Variants in AHI1 observed in about 807,000 individuals in gnomAD.
AHI1 encodes jouberin.
In AHI1, 123 loss-of-function variants were observed where a neutral mutation model predicts 149.3. That is an observed-to-expected ratio of 0.82 (90% CI 0.71 to 0.96). AHI1 has a LOEUF of 0.96. AHI1 is among the 40% of genes least tolerant of loss of function. AHI1 has a pLI of 0.00. For synonymous variants in AHI1, 475 were observed against 459.8 expected (o/e 1.03, Z -0.42); for missense variants, 1,439 against 1,422.7 (o/e 1.01, Z -0.18).
chr6:135,302,481 G>T, intron 26 of AHI1: 1 of 1,015,102 alleles, frequency 9.9e-7, no homozygotes, highest in South Asian at 4.0e-5. Flanking sequence ...GATATCCTCA[G>T]AAAGTTTGTC....
intron 24 of AHI1, among the ~76,000 whole-genome samples, chr6:135,329,080 A>G (rs141030947): frequency 7.1e-4 from 108 of 152,364 alleles, no homozygotes; most frequent in African/African-American, 2.5e-3. Flanking sequence ...GTGTGAAGAA[A>G]GAAGCCATCT....
chr6:135,294,967 A>G (rs1448405401), intron 27 of AHI1, among the ~76,000 whole-genome samples: 2 of 152,190 alleles, frequency 1.3e-5, no homozygotes, highest in Admixed American at 1.3e-4. Context: ...GCTCTTCAAA[A>G]GTCACTGCTA....
At chr6:135,429,831 T>G (rs1784397708) in intron 18 of AHI1, 51 bp downstream of exon 18, 4 of 1,073,980 alleles carry the variant, frequency 3.7e-6, no homozygotes, top group Non-Finnish European at 5.4e-6. Flanking sequence ...ATAATTTAAT[T>G]CATTACTTAC....
rs539435301 is a variant in AHI1 at position 135,368,038 on chromosome 6, G to A, written c.3110-9851C>T. Among the ~76,000 whole-genome samples, 16 of 152,254 alleles carry A rather than the reference G, an allele frequency of 1.1e-4. No homozygotes were observed. The South Asian group carries it at 2.3e-3, about 22-fold the overall frequency. ...TATTGTTCAGATTCTTCTGTCCCAC[G>A]GGATGCCCCTGATGTGGTGCTCTCC... is the stretch of plus-strand genomic sequence containing the variant. On this transcript the variant is annotated intron_variant, in intron 23 of 28. Transcript: ENST00000265602.
rs138490889 is a variant in AHI1 at position 135,448,151 on chromosome 6, T to C, written c.1626+139A>G. 21 of 505,520 alleles carry C rather than the reference T, an allele frequency of 4.2e-5. No homozygotes were observed. The East Asian group carries it at 7.0e-4, about 17-fold the overall frequency. The allele number at this position is 505,520 out of a possible 1,614,324, so 31.3% of individuals were successfully genotyped here. On this transcript the variant is annotated intron_variant, in intron 12 of 28. Coordinates refer to ENST00000265602, the MANE Select transcript of AHI1 (RefSeq NM_001134831.2). ...TAAGCATCTTTTAAATATCAGCTAT[T>C]ACAGGCTTAATATATAACCCCAGAA... is the stretch of plus-strand genomic sequence containing the variant.
In AHI1 at chr6:135,417,641, G is replaced by C. The variant is rs1041468117; in HGVS notation, c.2765-6097C>G. Among the ~76,000 whole-genome samples the C allele has an allele frequency of 2.6e-5, 4 of 151,768 alleles. No homozygotes were observed. In the East Asian group the frequency reaches 7.7e-4, roughly 29 times the overall value. ...TAAATACAAACAATTATGAACACTT[G>C]TTTTTTTCATCTAAAGGAAATTTTC... On this transcript the variant is annotated intron_variant, in intron 20 of 28. Transcript: ENST00000265602.
At chr6:135,469,802 T>C (rs956114696) in intron 5 of AHI1, among the ~76,000 whole-genome samples, 17 of 152,270 alleles carry the variant, frequency 1.1e-4, no homozygotes, top group Non-Finnish European at 1.8e-4. Context: ...TTATACCTTA[T>C]ACAAAAATTA....
At chr6:135,371,893 A>G (rs1371120165) in intron 23 of AHI1, among the ~76,000 whole-genome samples, 1 of 152,266 alleles carries the variant, frequency 6.6e-6, no homozygotes, top group Non-Finnish European at 1.5e-5. Flanking sequence ...AGGTGTGAGT[A>G]GAAAATTAAG....
intron 19 of AHI1, 89 bp downstream of exon 19, chr6:135,428,540 A>G (rs1784215822): frequency 2.9e-6 from 4 of 1,361,836 alleles, no homozygotes; most frequent in Non-Finnish European, 3.8e-6. Flanking sequence ...AATTTCCTTG[A>G]AAATTATTCC....
chr6:135,338,931 T>TC (rs201720674), intron 24 of AHI1, among the ~76,000 whole-genome samples: 3 of 150,966 alleles, frequency 2.0e-5, no homozygotes, highest in Non-Finnish European at 4.4e-5. Context: ...TCTTTCCTTT[T>TC]TTTTTTTTTT....
intron 24 of AHI1, among the ~76,000 whole-genome samples, chr6:135,338,677 T>TAA (rs1456415505): frequency 2.0e-5 from 3 of 152,196 alleles, no homozygotes; most frequent in African/African-American, 7.2e-5. Flanking sequence ...AACAGCCAAA[T>TAA]AACAGTAAAA....
intron 21 of AHI1, among the ~76,000 whole-genome samples, chr6:135,408,899 T>C (rs1205904851): frequency 1.3e-5 from 2 of 152,130 alleles, no homozygotes; most frequent in Non-Finnish European, 2.9e-5. Context: ...AGAAAAATTT[T>C]CTAGGAATTT....
At chr6:135,363,475 G>A (rs1314915715) in intron 23 of AHI1, among the ~76,000 whole-genome samples, 2 of 152,166 alleles carry the variant, frequency 1.3e-5, no homozygotes, top group Admixed American at 6.5e-5. Flanking sequence ...GCAACCATCC[G>A]ATTTCTCAAT....
chr6:135,363,044 A>T (rs969386511), intron 23 of AHI1, among the ~76,000 whole-genome samples: 4 of 146,468 alleles, frequency 2.7e-5, no homozygotes, highest in East Asian at 2.0e-4. Context: ...ATTTTATTTT[A>T]TTATTATTAT....
At chr6:135,486,677 A>G (rs1794525124) in intron 5 of AHI1, among the ~76,000 whole-genome samples, 1 of 152,156 alleles carries the variant, frequency 6.6e-6, no homozygotes, top group Non-Finnish European at 1.5e-5. Flanking sequence ...ACAACTGTCT[A>G]TATTTTTGCA....
At chr6:135,485,583 A>G (rs1244307026) in intron 5 of AHI1, among the ~76,000 whole-genome samples, 4 of 152,084 alleles carry the variant, frequency 2.6e-5, no homozygotes, top group African/African-American at 9.7e-5. Context: ...TTGAATCTGT[A>G]TTTTTGGAAA....
chr6:135,317,749 T>C (rs1786192782), intron 26 of AHI1, among the ~76,000 whole-genome samples: 1 of 152,174 alleles, frequency 6.6e-6, no homozygotes, highest in Non-Finnish European at 1.5e-5. Context: ...GACTGAATGA[T>C]ATACGTCAGG....
chr6:135,448,329 T>C lies in AHI1; in HGVS notation c.1587A>G (p.Thr529=). 1 of 1,610,508 alleles carries C rather than the reference T, an allele frequency of 6.2e-7. No homozygotes were observed. The highest frequency in any genetic ancestry group is 8.5e-7 in the Non-Finnish European group (1 of 1,177,730). The change falls in exon 12 of 29, where the codon ACA becomes ACG. Residue 529 remains threonine (T), a synonymous_variant. Coordinates refer to ENST00000265602, the MANE Select transcript of AHI1 (RefSeq NM_001134831.2). ...SKCPRNHYPS[T]LYVTVRGLKV... ...TCAGTCCTCTTACAGTTACGTACAGTGTTGATGGGTAATGATTTCTTGGAC... is the reference window on the plus strand; with the variant it reads ...TCAGTCCTCTTACAGTTACGTACAGCGTTGATGGGTAATGATTTCTTGGAC...
chr6:135,417,193 C>T (rs2614291), intron 20 of AHI1, among the ~76,000 whole-genome samples: 148,931 of 152,118 alleles, frequency 0.98, 72,917 homozygotes, highest in East Asian at 1. Context: ...AAAATTGTCC[C>T]TTCAACATTT....
Sources: allele counts gnomAD v4.1 joint callset (sites outside exome capture counted in the v4.1 genomes callset), GRCh38; gene constraint gnomAD v4.1.1; transcripts MANE v1.5; gene names NCBI Gene and HGNC (gene_info 2026-07-23, HGNC 2026-07-21).